Variants in NFIA observed in about 807,000 individuals in gnomAD.
The protein encoded by NFIA is nuclear factor I A, also known as nuclear factor 1 A-type.
NFIA carries 8 observed loss-of-function variants against 62.8 expected under a neutral mutation model. That is an observed-to-expected ratio of 0.13 (90% CI 0.07 to 0.23). NFIA has a LOEUF of 0.23. Ranked by LOEUF, NFIA falls within the 10% of genes least tolerant of loss-of-function variation. NFIA has a pLI of 1.00. For synonymous variants in NFIA, 235 were observed against 238.1 expected (o/e 0.99, Z 0.12); for missense variants, 410 against 642.1 (o/e 0.64, Z 3.91).
intron 2 of NFIA, among the ~76,000 whole-genome samples, chr1:61,121,930 G>A (rs1646893618): frequency 6.6e-6 from 1 of 152,086 alleles, no homozygotes; most frequent in Non-Finnish European, 1.5e-5. Context: ...ATTCCAGAAG[G>A]AGGCTGGAGC....
In NFIA at chr1:61,265,262, A is replaced by G. The variant is rs1184407512; in HGVS notation, c.560-12258A>G. ...ATCCAAAGCACTCGAGATTAGCACC[A>G]TGTGAAGAAATTTTAAAATATTGTA... On this transcript the variant is annotated intron_variant, in intron 2 of 10. Coordinates refer to ENST00000403491, the MANE Select transcript of NFIA (RefSeq NM_001134673.4). 2.6e-5 allele frequency among the ~76,000 whole-genome samples: 4 copies of G among 152,240 alleles called. No homozygotes were observed. In the East Asian group the frequency reaches 7.7e-4, roughly 29 times the overall value.
intron 6 of NFIA, among the ~76,000 whole-genome samples, chr1:61,364,361 A>G (rs1190602752): frequency 6.6e-6 from 1 of 152,220 alleles, no homozygotes. Flanking sequence ...AGTGTCTAGC[A>G]CATAATAGGT....
chr1:61,453,496 C>T (rs925868637), intron 10 of NFIA, among the ~76,000 whole-genome samples: 1 of 124,944 alleles, frequency 8.0e-6, no homozygotes, highest in Non-Finnish European at 1.6e-5. Context: ...AGTGCAGAGG[C>T]ACTGCAGATT....
intron 10 of NFIA, among the ~76,000 whole-genome samples, chr1:61,433,090 T>G (rs938967810): frequency 2.6e-5 from 4 of 152,162 alleles, no homozygotes; most frequent in Non-Finnish European, 5.9e-5. Context: ...CTGACCATTT[T>G]CTCTTTAAAA....
chr1:61,390,989 G>A (rs17122116), intron 7 of NFIA, among the ~76,000 whole-genome samples: 1,575 of 152,280 alleles, frequency 0.01, 12 homozygotes, highest in Non-Finnish European at 0.015. Context: ...TCAGCAGCAC[G>A]TAGAAAGAGG....
At chr1:61,350,631 C>T (rs2100426989) in intron 4 of NFIA, among the ~76,000 whole-genome samples, 1 of 151,942 alleles carries the variant, frequency 6.6e-6, no homozygotes, top group East Asian at 2.0e-4. Context: ...GCAAAGTGAG[C>T]TCTTGTCTCT....
intron 3 of NFIA, among the ~76,000 whole-genome samples, chr1:61,312,390 G>T (rs537367389): frequency 1.3e-5 from 2 of 152,248 alleles, no homozygotes; most frequent in Admixed American, 1.3e-4. Context: ...TTAGAATTCT[G>T]TATTGTCTAA....
chr1:61,251,937 A>G (rs144051837), intron 2 of NFIA, among the ~76,000 whole-genome samples: 22 of 152,318 alleles, frequency 1.4e-4, no homozygotes, highest in African/African-American at 5.1e-4. Flanking sequence ...CAGCAGGTAG[A>G]TAGAGGTATC....
chr1:61,082,424 G>C, upstream of NFIA: 1 of 1,005,842 alleles, frequency 9.9e-7, no homozygotes, highest in Non-Finnish European at 1.2e-6. Flanking sequence ...GTGCGGTGCA[G>C]AGCGGAGGCG....
Position 61,109,944 on chromosome 1 carries a change from G to A in NFIA, c.559+21264G>A, listed in dbSNP as rs72664812. Among the ~76,000 whole-genome samples, 764 of 152,010 alleles carry A rather than the reference G, an allele frequency of 5.0e-3. 4 individuals carry two copies. Among genetic ancestry groups the A allele is most frequent in the Non-Finnish European group, 8.3e-3 (566 of 67,854 alleles). On this transcript the variant is annotated intron_variant, in intron 2 of 10. Coordinates refer to ENST00000403491, the MANE Select transcript of NFIA (RefSeq NM_001134673.4). ...TTTATGTTATACAATTTAAGTCATG[G>A]AAAGGGGGATGACTGTATTGTATCT... is the stretch of plus-strand genomic sequence containing the variant.
intron 2 of NFIA, among the ~76,000 whole-genome samples, chr1:61,235,412 G>A (rs1268539573): frequency 1.3e-5 from 2 of 151,194 alleles, no homozygotes; most frequent in Non-Finnish European, 1.5e-5. Flanking sequence ...GCAGTGAGCC[G>A]AGATGGCGCC....
intron 2 of NFIA, among the ~76,000 whole-genome samples, chr1:61,179,383 T>G (rs1650601846): frequency 1.3e-5 from 2 of 152,330 alleles, no homozygotes; most frequent in East Asian, 3.9e-4. Flanking sequence ...TGTTCCTAGT[T>G]CTGTACTTAC....
chr1:61,078,732 A>G (rs190318453), upstream of NFIA, among the ~76,000 whole-genome samples: 2 of 152,310 alleles, frequency 1.3e-5, no homozygotes, highest in East Asian at 3.9e-4. Flanking sequence ...GTATATGGTC[A>G]GTAGGAAATA....
intron 2 of NFIA, among the ~76,000 whole-genome samples, chr1:61,213,605 A>T (rs1164238913): frequency 6.6e-6 from 1 of 152,188 alleles, no homozygotes; most frequent in African/African-American, 2.4e-5. Flanking sequence ...CTGTTTTCCC[A>T]GGATAAAATG....
Position 61,383,783 on chromosome 1 carries a change from T to C in NFIA, c.1075+418T>C, listed in dbSNP as rs146424019. 2.4e-3 allele frequency among the ~76,000 whole-genome samples: 362 copies of C among 152,338 alleles called. 4 individuals carry two copies. Among genetic ancestry groups the C allele is most frequent in the African/African-American group, 8.2e-3 (339 of 41,592 alleles). ...TGGTCAATTACCTGTTTTCAAGTAG[T>C]AGCTTTTTCTCATCCCTGCTGACTC... On this transcript the variant is annotated intron_variant, in intron 7 of 10. Transcript: ENST00000403491.
intron 2 of NFIA, among the ~76,000 whole-genome samples, chr1:61,249,618 A>G (rs1041316708): frequency 2.6e-4 from 40 of 152,248 alleles, no homozygotes; most frequent in African/African-American, 9.6e-4. Context: ...CTGGCCTCAA[A>G]CTCTGGTGAA....
At chr1:61,146,889 T>C (rs1648047711) in intron 2 of NFIA, among the ~76,000 whole-genome samples, 1 of 152,180 alleles carries the variant, frequency 6.6e-6, no homozygotes, top group Non-Finnish European at 1.5e-5. Context: ...AAAAGATATT[T>C]ACCAGAAGCT....
chr1:61,139,191 A>T (rs1647316671), intron 2 of NFIA, among the ~76,000 whole-genome samples: 1 of 152,162 alleles, frequency 6.6e-6, no homozygotes, highest in Non-Finnish European at 1.5e-5. Context: ...AAACAAAAGA[A>T]CAAAACTCTC....
At chr1:61,211,214 CA>C (rs1468485693) in intron 2 of NFIA, among the ~76,000 whole-genome samples, 1 of 152,040 alleles carries the variant, frequency 6.6e-6, no homozygotes, top group Non-Finnish European at 1.5e-5. Context: ...TATATTAACT[CA>C]AAAAACAAAC....
Sources: allele counts gnomAD v4.1 joint callset (sites outside exome capture counted in the v4.1 genomes callset), GRCh38; gene constraint gnomAD v4.1.1; transcripts MANE v1.5; gene names NCBI Gene and HGNC (gene_info 2026-07-23, HGNC 2026-07-21).